The following ANKS1B variants were observed in gnomAD, a reference collection of about 807,000 sequenced individuals.
The protein encoded by ANKS1B is ankyrin repeat and sterile alpha motif domain containing 1B, also known as ankyrin repeat and sterile alpha motif domain-containing protein 1B.
In ANKS1B, 36 loss-of-function variants were observed where a neutral mutation model predicts 148.3. The ratio of observed to expected loss-of-function variants is 0.24; its 90% confidence interval spans 0.19 to 0.32. The LOEUF is 0.32. Among genes scored for constraint, ANKS1B ranks in the 10% least tolerant of loss-of-function variants. The probability of loss-of-function intolerance (pLI) is 1.00; values close to 1 mark genes in which losing one functional copy is unlikely to be tolerated. For synonymous variants in ANKS1B, 542 were observed against 560.8 expected (o/e 0.97, Z 0.47); for missense variants, 1,157 against 1,542.6 (o/e 0.75, Z 4.19).
chr12:99,254,488 C>T (rs946994717), intron 12 of ANKS1B, among the ~76,000 whole-genome samples: 1 of 152,112 alleles, frequency 6.6e-6, no homozygotes, highest in East Asian at 1.9e-4. Flanking sequence ...GGAACTGGCA[C>T]GCTATTACTT....
chr12:99,210,278 CTT>C (rs2083178876), intron 14 of ANKS1B, among the ~76,000 whole-genome samples: 1 of 152,152 alleles, frequency 6.6e-6, no homozygotes. Flanking sequence ...TTTCTTTCCT[CTT>C]TCTTTAACTC....
chr12:99,939,360 G>C (rs2094860632), intron 1 of ANKS1B, among the ~76,000 whole-genome samples: 1 of 152,102 alleles, frequency 6.6e-6, no homozygotes, highest in South Asian at 2.1e-4. Flanking sequence ...AAAGTGCTGG[G>C]ATTACAGGTG....
chr12:99,009,841 C>CAAA (rs150905224), intron 17 of ANKS1B, among the ~76,000 whole-genome samples: 38 of 133,362 alleles, frequency 2.8e-4, no homozygotes, highest in Middle Eastern at 4.1e-3. Context: ...GTCATCTATG[C>CAAA]AAAAAAAAAA....
At chr12:99,934,893 A>G (rs2094719922) in intron 1 of ANKS1B, among the ~76,000 whole-genome samples, 1 of 152,144 alleles carries the variant, frequency 6.6e-6, no homozygotes, top group African/African-American at 2.4e-5. Flanking sequence ...GAATCTCTAC[A>G]GAAGGATATG....
At chr12:99,318,706 C>G (rs768759487) in intron 12 of ANKS1B, among the ~76,000 whole-genome samples, 5 of 151,868 alleles carry the variant, frequency 3.3e-5, no homozygotes, top group Non-Finnish European at 7.4e-5. Flanking sequence ...TTCTTGCCTT[C>G]TGCTAGCTTT....
At chr12:99,280,695 G>A (rs1234522396) in intron 12 of ANKS1B, among the ~76,000 whole-genome samples, 1 of 152,152 alleles carries the variant, frequency 6.6e-6, no homozygotes, top group African/African-American at 2.4e-5. Context: ...CCCATTACCT[G>A]ACTGCCTTTG....
chr12:99,886,594 G>A (rs1758308693), intron 1 of ANKS1B, among the ~76,000 whole-genome samples: 1 of 151,926 alleles, frequency 6.6e-6, no homozygotes, highest in Non-Finnish European at 1.5e-5. Context: ...AAGTTTCTTA[G>A]CAAATGTCCA....
chr12:99,823,271 A>C (rs1389663720), intron 2 of ANKS1B, among the ~76,000 whole-genome samples: 2 of 151,982 alleles, frequency 1.3e-5, no homozygotes, highest in Non-Finnish European at 2.9e-5. Flanking sequence ...TGCTGTGCAG[A>C]AGTGCTTTAG....
chr12:99,400,168 T>C (rs1348001696), intron 11 of ANKS1B, among the ~76,000 whole-genome samples: 3 of 147,694 alleles, frequency 2.0e-5, no homozygotes, highest in African/African-American at 7.6e-5. Context: ...CATCTGGCAT[T>C]TGCCAGACCC....
At chr12:99,886,102 TACTA>T (rs1300407058) in intron 1 of ANKS1B, among the ~76,000 whole-genome samples, 1 of 152,202 alleles carries the variant, frequency 6.6e-6, no homozygotes, top group Non-Finnish European at 1.5e-5. Flanking sequence ...AGAGAGGTTG[TACTA>T]ACTTACATTC....
At chr12:99,843,513 T>C (rs2086109536) in intron 1 of ANKS1B, among the ~76,000 whole-genome samples, 1 of 152,250 alleles carries the variant, frequency 6.6e-6, no homozygotes, top group South Asian at 2.1e-4. Flanking sequence ...TGGTATTTGA[T>C]TTTCTATTCC....
chr12:99,163,717 T>A (rs1329639935), intron 14 of ANKS1B, among the ~76,000 whole-genome samples: 2 of 152,158 alleles, frequency 1.3e-5, no homozygotes, highest in African/African-American at 4.8e-5. Flanking sequence ...AATAAAATCA[T>A]ATATTATGTA....
intron 12 of ANKS1B, among the ~76,000 whole-genome samples, chr12:99,249,521 T>C (rs866657103): frequency 3.3e-5 from 5 of 152,226 alleles, no homozygotes; most frequent in African/African-American, 1.2e-4. Context: ...AGCATTGTGA[T>C]GGTAACATTT....
intron 12 of ANKS1B, among the ~76,000 whole-genome samples, chr12:99,301,188 A>G (rs1381697073): frequency 6.6e-6 from 1 of 152,222 alleles, no homozygotes; most frequent in Non-Finnish European, 1.5e-5. Flanking sequence ...TGGGCTCTCA[A>G]CAGATTAAGT....
chr12:98,785,537 A>C (rs2098784452), intron 22 of ANKS1B, among the ~76,000 whole-genome samples: 1 of 152,198 alleles, frequency 6.6e-6, no homozygotes, highest in Admixed American at 6.5e-5. Context: ...AGGGAGTCTA[A>C]TCTGGGAGGC....
chr12:99,693,172 G>C (rs1352458424), intron 8 of ANKS1B, among the ~76,000 whole-genome samples: 1 of 152,102 alleles, frequency 6.6e-6, no homozygotes, highest in Non-Finnish European at 1.5e-5. Flanking sequence ...ACAGAAGAAT[G>C]TATTTCAAGA....
At chr12:98,988,927 T>C (rs2099925028) in intron 17 of ANKS1B, among the ~76,000 whole-genome samples, 1 of 152,198 alleles carries the variant, frequency 6.6e-6, no homozygotes, top group African/African-American at 2.4e-5. Flanking sequence ...TTCAGATCCT[T>C]TGCCTATTTT....
intron 1 of ANKS1B, among the ~76,000 whole-genome samples, chr12:99,896,450 T>C (rs2093390025): frequency 6.6e-6 from 1 of 151,394 alleles, no homozygotes; most frequent in Non-Finnish European, 1.5e-5. Context: ...GGCTGAATAA[T>C]ACTCCATTGT....
intron 14 of ANKS1B, among the ~76,000 whole-genome samples, chr12:99,235,865 T>C (rs2087808651): frequency 1.3e-5 from 2 of 152,204 alleles, no homozygotes; most frequent in Non-Finnish European, 1.5e-5. Context: ...AAGGTACTCC[T>C]ACCAGGGTGT....
Sources: gnomAD v4.1 joint callset for allele counts (sites outside exome capture counted in the v4.1 genomes callset) on GRCh38, gnomAD v4.1.1 for gene constraint, MANE v1.5 for transcripts, NCBI Gene and HGNC (gene_info 2026-07-23, HGNC 2026-07-21) for gene names.